Variants in STEEP1 observed in about 807,000 individuals in gnomAD.
STEEP1 encodes the protein STING1 ER exit protein 1.
A neutral mutation model predicts 19.2 loss-of-function variants in STEEP1; 3 were observed. That is an observed-to-expected ratio of 0.16 (90% confidence interval 0.07 to 0.40). The LOEUF (loss-of-function observed/expected upper bound fraction) is 0.40. Ranked by LOEUF, STEEP1 falls within the 10% of genes least tolerant of loss-of-function variation. The probability of loss-of-function intolerance (pLI) is 0.99; values close to 1 mark genes in which losing one functional copy is unlikely to be tolerated. For missense variants in STEEP1, 54 were observed against 177.1 expected (o/e 0.30, Z 3.94); for synonymous variants, 46 against 63.7 (o/e 0.72, Z 1.32).
intron 2 of STEEP1, among the ~76,000 whole-genome samples, chrX:119,548,509 G>C (rs1160382289): frequency 1.2e-5 from 1 of 84,721 alleles, no homozygotes; most frequent in African/African-American, 4.8e-5. Context: ...ACTCCAGCCT[G>C]GTGACAGAGT....
At chrX:119,543,913 A>C (rs1350090133) in intron 4 of STEEP1, among the ~76,000 whole-genome samples, 2 of 112,662 alleles carry the variant, frequency 1.8e-5, no homozygotes, top group Non-Finnish European at 3.7e-5. Flanking sequence ...AAAACCATAC[A>C]ATTTCTAACC....
intron 2 of STEEP1, among the ~76,000 whole-genome samples, chrX:119,553,136 AGAGT>A (rs1045136547): frequency 3.5e-5 from 2 of 56,747 alleles, no homozygotes; most frequent in African/African-American, 1.1e-4. Flanking sequence ...CCTATGTAAC[AGAGT>A]GAGACTGTCT....
chrX:119,555,883 T>C (rs1010904218), intron 2 of STEEP1, among the ~76,000 whole-genome samples: 1 of 111,646 alleles, frequency 9.0e-6, no homozygotes, highest in Non-Finnish European at 1.9e-5. Context: ...GCATGAATCC[T>C]GGTGTCATCA....
chrX:119,564,802 C>T (rs1382491345), intron 1 of STEEP1, among the ~76,000 whole-genome samples: 1 of 110,751 alleles, frequency 9.0e-6, no homozygotes, highest in Non-Finnish European at 1.9e-5. Flanking sequence ...AAAGAAGCAA[C>T]GAAATGGGGT....
chrX:119,545,977 G>A (rs1489834839), intron 2 of STEEP1, among the ~76,000 whole-genome samples: 1 of 109,803 alleles, frequency 9.1e-6, no homozygotes. Flanking sequence ...AAACATTTAT[G>A]GAGCCCCTGA....
Position 119,547,943 on chromosome X carries a change from G to A in STEEP1, c.243-2439C>T, listed in dbSNP as rs954168700. ...TGCCAGCACTTTGGGAGGCCGAGGC[G>A]GGCAGATTACTTGAGGCCAGCAGTT... On this transcript the variant is annotated intron_variant, in intron 2 of 6. Coordinates refer to ENST00000644802, the MANE Select transcript of STEEP1 (RefSeq NM_022101.4). Among the ~76,000 whole-genome samples, 31 of 109,264 alleles carry A rather than the reference G, an allele frequency of 2.8e-4. 1 individual carries two copies. The highest frequency in any genetic ancestry group is 8.3e-4 in the African/African-American group (25 of 30,064). The allele number at this position is 109,264 out of a possible 115,157, so 94.9% of individuals were successfully genotyped here.
chrX:119,551,395 G>A (rs1192970597), intron 2 of STEEP1, among the ~76,000 whole-genome samples: 4 of 108,275 alleles, frequency 3.7e-5, no homozygotes, highest in African/African-American at 1.4e-4. Context: ...CAGGAGAATC[G>A]CTTGAACCCT....
chrX:119,552,170 GGCATAAGCCACCGCACCT>G (rs2053247373), intron 2 of STEEP1, among the ~76,000 whole-genome samples: 1 of 111,474 alleles, frequency 9.0e-6, no homozygotes, highest in Non-Finnish European at 1.9e-5. Context: ...TGGGATTATA[GGCATAAGCCACCGCACCT>G]GGCTGCCCGG....
At chrX:119,551,857 C>T (rs943326097) in intron 2 of STEEP1, among the ~76,000 whole-genome samples, 3 of 109,140 alleles carry the variant, frequency 2.7e-5, no homozygotes, top group African/African-American at 1.0e-4. Flanking sequence ...TCCCCAAGAC[C>T]GGCCACTAAC....
In STEEP1 at chrX:119,547,806, G is replaced by A. The variant is rs73614215; in HGVS notation, c.243-2302C>T. Among the ~76,000 whole-genome samples the A allele has an allele frequency of 2.5e-3, 277 of 111,678 alleles. 1 individual carries two copies. The highest frequency in any genetic ancestry group is 8.4e-3 in the African/African-American group (257 of 30,778). ...TTTAAATGGGCAATGGACCTGAACA[G>A]ACATTTCTCCAAGACATACAAATGG... On this transcript the variant is annotated intron_variant, in intron 2 of 6. Coordinates refer to ENST00000644802, the MANE Select transcript of STEEP1 (RefSeq NM_022101.4).
chrX:119,562,859 G>C (rs992714259), intron 1 of STEEP1, among the ~76,000 whole-genome samples: 1 of 111,919 alleles, frequency 8.9e-6, no homozygotes, highest in Non-Finnish European at 1.9e-5. Flanking sequence ...AATCAGGGAA[G>C]GGTTCTCTAA....
chrX:119,545,253 T>C (rs2053194031), intron 3 of STEEP1, among the ~76,000 whole-genome samples: 1 of 107,724 alleles, frequency 9.3e-6, no homozygotes, highest in Admixed American at 1.0e-4. Flanking sequence ...CTAGAGAGGC[T>C]GAGGCAGGAG....
At chrX:119,551,683 ACAC>A (rs1200461710) in intron 2 of STEEP1, among the ~76,000 whole-genome samples, 1 of 76,656 alleles carries the variant, frequency 1.3e-5, no homozygotes, top group African/African-American at 4.3e-5. Context: ...CTCTGATCTC[ACAC>A]CACAACAACA....
chrX:119,543,155 C>T (rs952349553), intron 4 of STEEP1, among the ~76,000 whole-genome samples: 1 of 109,875 alleles, frequency 9.1e-6, no homozygotes, highest in South Asian at 3.9e-4. Context: ...AGACACTATG[C>T]ATGGTCCATC....
chrX:119,555,831 G>C (rs2053274875), intron 2 of STEEP1, among the ~76,000 whole-genome samples: 2 of 111,455 alleles, frequency 1.8e-5, no homozygotes, highest in African/African-American at 6.5e-5. Flanking sequence ...GGACAGATGA[G>C]ACAAAGAGAG....
intron 1 of STEEP1, 93 bp from the exon 2 acceptor site, chrX:119,560,478 C>T (rs947970128): frequency 1.8e-6 from 1 of 555,486 alleles, no homozygotes; most frequent in African/African-American, 2.3e-5. Flanking sequence ...GAGTGGGATC[C>T]CTAGCACTAG....
chrX:119,550,426 G>A (rs1603306111), intron 2 of STEEP1, among the ~76,000 whole-genome samples: 1 of 111,456 alleles, frequency 9.0e-6, no homozygotes, highest in East Asian at 2.8e-4. Context: ...ATGGTTAACT[G>A]ATTTTCAACA....
At chrX:119,558,357 AC>A (rs1404965105) in intron 2 of STEEP1, among the ~76,000 whole-genome samples, 1 of 105,976 alleles carries the variant, frequency 9.4e-6, no homozygotes, top group Non-Finnish European at 1.9e-5. Context: ...ACACGGTGAA[AC>A]CCCGTCTCTA....
At chrX:119,547,472 T>C (rs191409169) in intron 2 of STEEP1, among the ~76,000 whole-genome samples, 1 of 112,354 alleles carries the variant, frequency 8.9e-6, no homozygotes, top group African/African-American at 3.2e-5. Context: ...ATGTGAAAAA[T>C]GGAATCTTTT....
Sources: gnomAD v4.1 joint callset for allele counts (sites outside exome capture counted in the v4.1 genomes callset) on GRCh38, gnomAD v4.1.1 for gene constraint, MANE v1.5 for transcripts, NCBI Gene and HGNC (gene_info 2026-07-23, HGNC 2026-07-21) for gene names.